Variants in KLHL1 observed in about 807,000 individuals in gnomAD.
KLHL1 encodes kelch like family member 1.
In KLHL1, 47 loss-of-function variants were observed where a neutral mutation model predicts 77.7. The ratio of observed to expected loss-of-function variants is 0.60; its 90% CI spans 0.48 to 0.77. KLHL1 has a LOEUF of 0.77. Among genes scored for constraint, KLHL1 ranks in the 30% least tolerant of loss-of-function variants. The pLI, the probability that KLHL1 is intolerant of heterozygous loss-of-function variation, is 0.00. For missense variants in KLHL1, 925 were observed against 910.8 expected (o/e 1.02, Z -0.20); for synonymous variants, 360 against 325.2 (o/e 1.11, Z -1.15).
chr13:70,028,050 G>A (rs1886000551), intron 1 of KLHL1, among the ~76,000 whole-genome samples: 1 of 152,116 alleles, frequency 6.6e-6, no homozygotes, highest in Admixed American at 6.6e-5. Context: ...ATTGCAGAAG[G>A]TAGTACAAGG....
intron 5 of KLHL1, among the ~76,000 whole-genome samples, chr13:69,867,092 G>T (rs1466583931): frequency 6.6e-6 from 1 of 152,082 alleles, no homozygotes; most frequent in East Asian, 1.9e-4. Context: ...AAACTGTACA[G>T]TAGGAATGGA....
intron 1 of KLHL1, among the ~76,000 whole-genome samples, chr13:70,002,254 A>G (rs1263799734): frequency 6.6e-6 from 1 of 151,618 alleles, no homozygotes; most frequent in Non-Finnish European, 1.5e-5. Flanking sequence ...AGATTCCAAA[A>G]TGGTCCGCAT....
intron 1 of KLHL1, among the ~76,000 whole-genome samples, chr13:70,015,215 AC>A (rs1279147026): frequency 6.6e-6 from 1 of 152,148 alleles, no homozygotes; most frequent in Non-Finnish European, 1.5e-5. Context: ...ACTTATGCAA[AC>A]CTATTGTGTA....
At chr13:69,846,450 T>C (rs1294226566) in intron 5 of KLHL1, among the ~76,000 whole-genome samples, 1 of 151,500 alleles carries the variant, frequency 6.6e-6, no homozygotes, top group African/African-American at 2.4e-5. Flanking sequence ...GCTAGAACTT[T>C]TGACAACGAA....
chr13:70,024,302 G>A (rs537507092), intron 1 of KLHL1, among the ~76,000 whole-genome samples: 4 of 151,734 alleles, frequency 2.6e-5, no homozygotes, highest in Non-Finnish European at 5.9e-5. Flanking sequence ...AAGAAACCTA[G>A]TAGTTTATAT....
At chr13:69,879,881 A>G (rs1029519357) in intron 5 of KLHL1, among the ~76,000 whole-genome samples, 1 of 152,222 alleles carries the variant, frequency 6.6e-6, no homozygotes, top group African/African-American at 2.4e-5. Context: ...GAATAACAGT[A>G]TCAACTACAT....
In KLHL1 at chr13:69,915,600, G is replaced by C. The variant is rs200789436; in HGVS notation, c.1014+24440C>G. On this transcript the variant is annotated intron_variant, in intron 4 of 10. Coordinates refer to ENST00000377844, the MANE Select transcript of KLHL1 (RefSeq NM_020866.3). ...CTTATACAAAAATTAATTCAAGATG[G>C]ATTAAAGACTTAAATGTTAGAACTG... is the stretch of plus-strand genomic sequence containing the variant. 1.9e-4 allele frequency among the ~76,000 whole-genome samples: 29 copies of C among 152,222 alleles called. No individual in the cohort carries two copies. In the East Asian group the frequency reaches 5.6e-3, roughly 29 times the overall value.
Position 69,740,554 on chromosome 13 carries a change from C to T in KLHL1, c.1642G>A (p.Val548Ile), listed in dbSNP as rs559062977. The T allele has an allele frequency of 1.2e-6, 2 of 1,602,492 alleles. No individual in the cohort carries two copies. The highest frequency in any genetic ancestry group is 2.2e-5 in the South Asian group (2 of 89,750). The change falls in exon 8 of 11, where the codon GTA becomes ATA. Residue 548 changes from valine (V) to isoleucine (I), a missense_variant and splice_region_variant. Physicochemically the swap from Val to Ile is conservative, Grantham distance 29 (BLOSUM62 3). Coordinates refer to ENST00000377844, the MANE Select transcript of KLHL1 (RefSeq NM_020866.3). ...TAAATAGGGCCTTCAAGTACTGTTA[C>T]ACCTAAAATATTAGATAAATGAATG... ...PMSTHRHGLGVTVLEGPIYAV... is the reference protein window; with the variant it reads ...PMSTHRHGLGITVLEGPIYAV...
At position 69,887,600 on chromosome 13, in the gene KLHL1, C is replaced by T. The variant is rs76748996; in HGVS notation, c.1015-5105G>A. On this transcript the variant is annotated intron_variant, in intron 4 of 10. Transcript: ENST00000377844. ...TGCCACTCACAAGTTCTTCTTTCCA[C>T]AAAACGCTGGGATGCAAACACAATT... is the stretch of plus-strand genomic sequence containing the variant. 1.8e-3 allele frequency among the ~76,000 whole-genome samples: 267 copies of T among 152,302 alleles called. 1 individual carries two copies. Among genetic ancestry groups the T allele is most frequent in the African/African-American group, 6.0e-3 (249 of 41,574 alleles).
intron 4 of KLHL1, among the ~76,000 whole-genome samples, chr13:69,921,662 C>T (rs2138264868): frequency 6.6e-6 from 1 of 152,184 alleles, no homozygotes; most frequent in South Asian, 2.1e-4. Context: ...TTTACATGCC[C>T]TCACTCCAAT....
chr13:69,811,338 A>T (rs1485582493), intron 6 of KLHL1, among the ~76,000 whole-genome samples: 11 of 152,156 alleles, frequency 7.2e-5, no homozygotes. Flanking sequence ...TTATCAATAA[A>T]TGTGATTCAC....
intron 1 of KLHL1, among the ~76,000 whole-genome samples, chr13:70,049,473 T>C (rs1206843199): frequency 6.6e-6 from 1 of 152,188 alleles, no homozygotes; most frequent in Admixed American, 6.6e-5. Context: ...AGCATGCTTC[T>C]AAATCAGCCC....
chr13:70,042,602 T>A (rs1593698013), intron 1 of KLHL1, among the ~76,000 whole-genome samples: 1 of 152,144 alleles, frequency 6.6e-6, no homozygotes, highest in African/African-American at 2.4e-5. Flanking sequence ...CTATAAAAAA[T>A]ACAATTCATA....
chr13:70,091,971 C>A (rs1887681858), intron 1 of KLHL1, among the ~76,000 whole-genome samples: 1 of 152,116 alleles, frequency 6.6e-6, no homozygotes, highest in Non-Finnish European at 1.5e-5. Flanking sequence ...TAGTGGGGAA[C>A]ATCTACCCAT....
rs1212967472 is a variant in KLHL1, at chr13:69,981,574, T to C, written c.498-5772A>G. ...ATTTGTTTGAGCCCAGTAAACTTAG[T>C]GTGTATTTCAGGCAATGTATATGTC... On this transcript the variant is annotated intron_variant, in intron 1 of 10. Coordinates refer to ENST00000377844, the MANE Select transcript of KLHL1 (RefSeq NM_020866.3). Among the ~76,000 whole-genome samples, 4 of 152,152 alleles carry C rather than the reference T, an allele frequency of 2.6e-5. No individual in the cohort carries two copies. In the East Asian group the frequency reaches 7.7e-4, roughly 29 times the overall value.
chr13:69,935,878 A>T (rs1309142112), intron 4 of KLHL1, among the ~76,000 whole-genome samples: 3 of 152,214 alleles, frequency 2.0e-5, no homozygotes. Context: ...GTATTACAAG[A>T]TACTAGACAC....
chr13:69,864,491 G>A (rs1023613143), intron 5 of KLHL1, among the ~76,000 whole-genome samples: 5 of 151,888 alleles, frequency 3.3e-5, no homozygotes, highest in Non-Finnish European at 7.4e-5. Context: ...ATTGTAATAA[G>A]TTTCAGCATG....
At chr13:69,762,348 A>G (rs2137967137) in intron 7 of KLHL1, among the ~76,000 whole-genome samples, 1 of 152,250 alleles carries the variant, frequency 6.6e-6, no homozygotes, top group East Asian at 1.9e-4. Context: ...TGGAAGGCCT[A>G]TCCCTAAAAT....
chr13:70,075,573 A>ATATATATATATATATATAT (rs1332245236), intron 1 of KLHL1, among the ~76,000 whole-genome samples: 3 of 101,328 alleles, frequency 3.0e-5, no homozygotes, highest in Non-Finnish European at 6.0e-5. Context: ...GTATGTGTAT[A>ATATATATATATATATATAT]TATATATATA....
Sources: allele counts gnomAD v4.1 joint callset (sites outside exome capture counted in the v4.1 genomes callset), GRCh38; gene constraint gnomAD v4.1.1; transcripts MANE v1.5; gene names NCBI Gene and HGNC (gene_info 2026-07-23, HGNC 2026-07-21).